CACNG4: variants seen among roughly 807,000 people sequenced by gnomAD.
The protein encoded by CACNG4 is voltage-dependent calcium channel gamma-4 subunit.
CACNG4 carries 8 observed loss-of-function variants against 22.9 expected under a neutral mutation model. That is an observed-to-expected ratio of 0.35 (90% CI 0.21 to 0.63). The LOEUF (loss-of-function observed/expected upper bound fraction) is 0.63. Ranked by LOEUF, CACNG4 falls within the 30% of genes least tolerant of loss-of-function variation. The pLI is 0.72. For missense variants in CACNG4, 357 were observed against 455.4 expected, an observed-to-expected ratio of 0.78 and a Z score of 1.97; for synonymous variants, 188 against 191.9, an observed-to-expected ratio of 0.98 and a Z score of 0.17.
intron 1 of CACNG4, among the ~76,000 whole-genome samples, chr17:66,996,083 G>A (rs1478945838): frequency 1.3e-5 from 2 of 152,080 alleles, no homozygotes; most frequent in Non-Finnish European, 2.9e-5. Flanking sequence ...ATGCTTCCAG[G>A]AGCGACTGGT....
chr17:67,001,803 G>T (rs1335430761), intron 1 of CACNG4, among the ~76,000 whole-genome samples: 1 of 152,238 alleles, frequency 6.6e-6, no homozygotes, highest in Non-Finnish European at 1.5e-5. Context: ...AAGGTACATG[G>T]TCCCAACATG....
chr17:67,001,756 C>T (rs368287869), intron 1 of CACNG4, among the ~76,000 whole-genome samples: 17 of 152,320 alleles, frequency 1.1e-4, no homozygotes, highest in Admixed American at 3.3e-4. Context: ...ATGGGGGAGA[C>T]GAACTAGACA....
chr17:66,996,224 A>C (rs571074710), intron 1 of CACNG4, among the ~76,000 whole-genome samples: 1 of 150,436 alleles, frequency 6.6e-6, no homozygotes, highest in East Asian at 2.0e-4. Context: ...CTTACTCGCT[A>C]GTGGTAAAGA....
chr17:67,016,416 C>T (rs1017101911), intron 1 of CACNG4, among the ~76,000 whole-genome samples: 1 of 152,132 alleles, frequency 6.6e-6, no homozygotes, highest in Non-Finnish European at 1.5e-5. Flanking sequence ...TCCTTGGAGG[C>T]AGCAGCTGAA....
intron 2 of CACNG4, 57 bp from the exon 3 acceptor site, chr17:67,024,803 C>G: frequency 7.0e-7 from 1 of 1,434,640 alleles, no homozygotes; most frequent in Non-Finnish European, 9.2e-7. Context: ...CAGCCATGCC[C>G]GGGAGGGCAC....
chr17:66,976,521 TCCTC>T (rs948011583), intron 1 of CACNG4, among the ~76,000 whole-genome samples: 17 of 141,426 alleles, frequency 1.2e-4, no homozygotes, highest in African/African-American at 3.9e-4. Context: ...CCTCCCTCCA[TCCTC>T]CCTCCCTCCT....
At chr17:66,979,333 G>C (rs889428756) in intron 1 of CACNG4, among the ~76,000 whole-genome samples, 3 of 152,042 alleles carry the variant, frequency 2.0e-5, no homozygotes, top group Non-Finnish European at 4.4e-5. Flanking sequence ...TCAGTCTTTT[G>C]AGAGTTCTTG....
At position 66,965,148 on chromosome 17, in the gene CACNG4, C is replaced by G. The variant is rs1257126907; in HGVS notation, c.220+17C>G. 10 of 1,433,092 alleles carry G rather than the reference C, an allele frequency of 7.0e-6. No homozygotes were observed. Among genetic ancestry groups the G allele is most frequent in the Non-Finnish European group, 8.5e-6 (9 of 1,053,608 alleles). The allele number at this position is 1,433,092 out of a possible 1,614,324, so 88.8% of individuals were successfully genotyped here. A position where few individuals can be genotyped will look rare whatever the true frequency, so the allele number is the denominator to read the frequency against. On this transcript the variant is annotated intron_variant, in intron 1 of 3. Transcript: ENST00000262138. ...GCATCGAAGGTACGGCCAGCCCCGA[C>G]CCCTCGCCGCCCCACACACACACAC...
intron 1 of CACNG4, among the ~76,000 whole-genome samples, chr17:66,999,696 C>A (rs1021302691): frequency 6.6e-6 from 1 of 152,166 alleles, no homozygotes; most frequent in Admixed American, 6.5e-5. Context: ...TCCTTCAACA[C>A]ATGGGGATTA....
intron 1 of CACNG4, among the ~76,000 whole-genome samples, chr17:66,999,880 C>T (rs748085855): frequency 1.2e-4 from 18 of 152,322 alleles, no homozygotes; most frequent in East Asian, 3.9e-4. Flanking sequence ...TGTCTGAGTG[C>T]GCGGCCTCCC....
chr17:67,019,080 G>T (rs988007625), intron 2 of CACNG4, among the ~76,000 whole-genome samples: 1 of 152,108 alleles, frequency 6.6e-6, no homozygotes, highest in African/African-American at 2.4e-5. Context: ...CATTAACCAA[G>T]ACACACAAAG....
chr17:67,025,473 A>G (rs1053696187), intron 3 of CACNG4, among the ~76,000 whole-genome samples: 1 of 152,214 alleles, frequency 6.6e-6, no homozygotes, highest in Non-Finnish European at 1.5e-5. Flanking sequence ...AGACAGGGCG[A>G]GGGCCCGGAA....
intron 1 of CACNG4, among the ~76,000 whole-genome samples, chr17:66,967,841 G>T (rs760201144): frequency 5.9e-5 from 9 of 152,186 alleles, no homozygotes; most frequent in Non-Finnish European, 1.0e-4. Context: ...ATGTTGCCGG[G>T]CCAGGAAGCC....
In CACNG4 at chr17:67,015,282, A is replaced by T. The variant is rs980520990; in HGVS notation, c.221-2907A>T. On this transcript the variant is annotated intron_variant, in intron 1 of 3. Transcript: ENST00000262138. ...TGAGAACAGCCGGTCCCCAAAGCTT[A>T]CATGCTGTATCATTCCATTTGTAGG... is the stretch of plus-strand genomic sequence containing the variant. 9.8e-5 allele frequency among the ~76,000 whole-genome samples: 15 copies of T among 152,322 alleles called. No individual in the cohort carries two copies. In the South Asian group the frequency reaches 1.0e-3, roughly 11 times the overall value.
At chr17:66,974,444 A>T (rs1484483738) in intron 1 of CACNG4, among the ~76,000 whole-genome samples, 2 of 151,888 alleles carry the variant, frequency 1.3e-5, no homozygotes, top group African/African-American at 4.8e-5. Flanking sequence ...TTGGGGTTGG[A>T]CCTCTAGAGT....
At position 67,030,063 on chromosome 17, in the gene CACNG4, T is replaced by C. The variant is rs1313951309; in HGVS notation, c.446-403T>C. Among the ~76,000 whole-genome samples the C allele has an allele frequency of 6.6e-6, 1 of 152,134 alleles. No individual in the cohort carries two copies. The highest frequency in any genetic ancestry group is 1.9e-4 in the East Asian group (1 of 5,194). Reference sequence around the variant, plus strand: ...ACGTAGTTAGAAAGACAGGGATGGCTCTCCATGTTCTGATTCAGAACCGTC... The same window carrying C: ...ACGTAGTTAGAAAGACAGGGATGGCCCTCCATGTTCTGATTCAGAACCGTC... On this transcript the variant is annotated intron_variant, in intron 3 of 3. Transcript: ENST00000262138. This position sits in a 1 kb window ranked among gnomAD's most constrained non-coding sequence, Gnocchi z 6.4.
intron 1 of CACNG4, among the ~76,000 whole-genome samples, chr17:66,976,458 AACTTCCCTCCC>A (rs2035237065): frequency 9.6e-6 from 1 of 103,712 alleles, no homozygotes; most frequent in Non-Finnish European, 1.9e-5. Flanking sequence ...TCCTCCCTCC[AACTTCCCTCCC>A]TCCTTCCAGC....
At chr17:67,023,293 T>TTTG in intron 2 of CACNG4, among the ~76,000 whole-genome samples, 1 of 144,810 alleles carries the variant, frequency 6.9e-6, no homozygotes, top group Admixed American at 6.8e-5. Context: ...TTTTTTTTTT[T>TTTG]GAGACAGAGT....
At chr17:67,009,133 G>A (rs2035453761) in intron 1 of CACNG4, among the ~76,000 whole-genome samples, 2 of 152,176 alleles carry the variant, frequency 1.3e-5, no homozygotes, top group South Asian at 4.1e-4. Context: ...AACACCAGAA[G>A]CAAGGCAGAG....
Sources: gnomAD v4.1 joint callset for allele counts (sites outside exome capture counted in the v4.1 genomes callset) on GRCh38, gnomAD v4.1.1 for gene constraint, Gnocchi (gnomAD v3.1) non-coding constraint, MANE v1.5 for transcripts, NCBI Gene and HGNC (gene_info 2026-07-23, HGNC 2026-07-21) for gene names.